The following LUZP2 variants were observed in gnomAD, a reference collection of about 807,000 sequenced individuals.
The protein encoded by LUZP2 is leucine zipper protein 2.
LUZP2 carries 52 observed loss-of-function variants against 51.6 expected under a neutral mutation model. That is an observed-to-expected ratio of 1.01 (90% CI 0.81 to 1.27). The LOEUF is 1.27. Among genes scored for constraint, LUZP2 ranks in the 50% most tolerant of loss-of-function variants. The pLI is 0.00. For synonymous variants in LUZP2, 154 were observed against 137.3 expected (o/e 1.12, Z -0.85); for missense variants, 436 against 395.4 (o/e 1.10, Z -0.87).
At chr11:24,934,795 CTT>C (rs1003657600) in intron 7 of LUZP2, among the ~76,000 whole-genome samples, 1 of 152,096 alleles carries the variant, frequency 6.6e-6, no homozygotes, top group Non-Finnish European at 1.5e-5. Flanking sequence ...GCCTCAAACT[CTT>C]TCTCATTCTC....
intron 1 of LUZP2, among the ~76,000 whole-genome samples, chr11:24,575,446 T>C (rs1438942405): frequency 2.0e-5 from 3 of 152,318 alleles, no homozygotes; most frequent in Non-Finnish European, 2.9e-5. Context: ...TGTGACATCA[T>C]TGCCATATTT....
intron 1 of LUZP2, among the ~76,000 whole-genome samples, chr11:24,656,156 G>T (rs1325282200): frequency 6.6e-6 from 1 of 152,120 alleles, no homozygotes; most frequent in African/African-American, 2.4e-5. Context: ...AAATCTATTA[G>T]TATCAGATTC....
At chr11:24,969,453 A>T (rs1855683481) in intron 7 of LUZP2, among the ~76,000 whole-genome samples, 1 of 151,930 alleles carries the variant, frequency 6.6e-6, no homozygotes. Flanking sequence ...CTGTATATTT[A>T]TTTCTTATTT....
intron 5 of LUZP2, among the ~76,000 whole-genome samples, chr11:24,849,784 T>G (rs977330993): frequency 6.6e-6 from 1 of 152,088 alleles, no homozygotes; most frequent in Non-Finnish European, 1.5e-5. Flanking sequence ...CTCTCCAGCA[T>G]TTGTTGTTTC....
intron 1 of LUZP2, chr11:24,646,612 AG>A: frequency 1.0e-6 from 1 of 984,670 alleles, no homozygotes; most frequent in Non-Finnish European, 1.2e-6. Context: ...TGAGTTTGTC[AG>A]GTATCAATGA....
At chr11:24,545,986 G>C (rs1851527516) in intron 1 of LUZP2, among the ~76,000 whole-genome samples, 1 of 152,106 alleles carries the variant, frequency 6.6e-6, no homozygotes, top group African/African-American at 2.4e-5. Context: ...TCTCCTTGTA[G>C]AGATTTTTCA....
chr11:24,892,365 C>T, intron 5 of LUZP2: 1 of 985,186 alleles, frequency 1.0e-6, no homozygotes, highest in Non-Finnish European at 1.2e-6. Context: ...GAGTAGATGA[C>T]CTAAAAGTTC....
At chr11:24,895,443 T>C (rs1418414394) in intron 5 of LUZP2, among the ~76,000 whole-genome samples, 1 of 152,110 alleles carries the variant, frequency 6.6e-6, no homozygotes, top group Non-Finnish European at 1.5e-5. Context: ...TTCTGAGGTT[T>C]GGAGCATGAA....
intron 1 of LUZP2, among the ~76,000 whole-genome samples, chr11:24,551,285 A>G (rs983893699): frequency 4.6e-5 from 7 of 152,110 alleles, no homozygotes; most frequent in Admixed American, 3.3e-4. Context: ...GATCTATGTT[A>G]CAACATGGAT....
At chr11:24,939,481 A>T (rs1201216476) in intron 7 of LUZP2, among the ~76,000 whole-genome samples, 1 of 152,082 alleles carries the variant, frequency 6.6e-6, no homozygotes, top group Non-Finnish European at 1.5e-5. Flanking sequence ...TTTATGGAAG[A>T]CTGACTTGTA....
intron 1 of LUZP2, among the ~76,000 whole-genome samples, chr11:24,720,366 A>T (rs1450117605): frequency 6.6e-6 from 1 of 152,242 alleles, no homozygotes; most frequent in Non-Finnish European, 1.5e-5. Context: ...TGTAAAAATT[A>T]TAAGCAAAAT....
intron 1 of LUZP2, among the ~76,000 whole-genome samples, chr11:24,718,116 AGGACTATCAAAAACT>A (rs1163172441): frequency 7.2e-5 from 11 of 152,234 alleles, no homozygotes; most frequent in African/African-American, 2.7e-4. Flanking sequence ...GAAAGGAAAC[AGGACTATCAAAAACT>A]GGCTGTGGGG....
chr11:24,784,897 G>T (rs1849198056), intron 5 of LUZP2, among the ~76,000 whole-genome samples: 1 of 151,968 alleles, frequency 6.6e-6, no homozygotes, highest in African/African-American at 2.4e-5. Context: ...CTAATCACAT[G>T]CTGTACATGT....
At chr11:24,899,488 C>A (rs1046623114) in intron 5 of LUZP2, among the ~76,000 whole-genome samples, 1 of 151,492 alleles carries the variant, frequency 6.6e-6, no homozygotes, top group Non-Finnish European at 1.5e-5. Flanking sequence ...CATGTAAATA[C>A]TTTAATTGAG....
intron 9 of LUZP2, among the ~76,000 whole-genome samples, chr11:25,005,457 G>C (rs747831905): frequency 1.3e-5 from 2 of 152,076 alleles, no homozygotes; most frequent in Non-Finnish European, 2.9e-5. Flanking sequence ...TTCCCCATCA[G>C]AGAGAGAATA....
chr11:24,839,199 C>T (rs1039503028), intron 5 of LUZP2, among the ~76,000 whole-genome samples: 1 of 151,402 alleles, frequency 6.6e-6, no homozygotes, highest in Non-Finnish European at 1.5e-5. Context: ...AAGTTGACCC[C>T]AATTAGTCTA....
intron 10 of LUZP2, among the ~76,000 whole-genome samples, chr11:25,064,799 G>T (rs911609068): frequency 6.6e-6 from 1 of 151,988 alleles, no homozygotes; most frequent in Middle Eastern, 3.2e-3. Context: ...AACAGAATAT[G>T]CCTAGCCCTT....
chr11:24,997,380 C>A (rs2133936099), intron 9 of LUZP2, among the ~76,000 whole-genome samples: 1 of 152,296 alleles, frequency 6.6e-6, no homozygotes, highest in South Asian at 2.1e-4. Flanking sequence ...TGATGGTGAG[C>A]ATTTTTTCCT....
rs183409145 is a variant in LUZP2 at position 24,940,625 on chromosome 11, A to G, written c.522+26087A>G. ...ATTAATGAGTTAATACAAATAAATT[A>G]TCAACTTATAATAGCTTCTGGCACA... On this transcript the variant is annotated intron_variant, in intron 7 of 11. Coordinates refer to ENST00000336930, the MANE Select transcript of LUZP2 (RefSeq NM_001009909.4). Among the ~76,000 whole-genome samples, 52 of 152,336 alleles carry G rather than the reference A, an allele frequency of 3.4e-4. 1 individual carries two copies. The highest frequency in any genetic ancestry group is 1.2e-3 in the African/African-American group (48 of 41,574).
Sources: gnomAD v4.1 joint callset for allele counts (sites outside exome capture counted in the v4.1 genomes callset) on GRCh38, gnomAD v4.1.1 for gene constraint, MANE v1.5 for transcripts, NCBI Gene and HGNC (gene_info 2026-07-23, HGNC 2026-07-21) for gene names.